The following MED19 variants were observed in gnomAD, a reference collection of about 807,000 sequenced individuals.
MED19 encodes the protein mediator of RNA polymerase II transcription subunit 19.
MED19 carries 4 observed loss-of-function variants against 19.9 expected under a neutral mutation model. That is an observed-to-expected ratio of 0.20 (90% CI 0.10 to 0.46). The LOEUF is 0.46. Among genes scored for constraint, MED19 ranks in the 20% least tolerant of loss-of-function variants. The pLI, the probability that MED19 is intolerant of heterozygous loss-of-function variation, is 0.99. For missense variants in MED19, 303 were observed against 318.7 expected (o/e 0.95, Z 0.38); for synonymous variants, 139 against 119.6 (o/e 1.16, Z -1.06).
At chr11:57,705,200 G>T in exon 2 of MED19, 1 of 1,614,180 alleles carries the variant, frequency 6.2e-7, no homozygotes, top group Non-Finnish European at 8.5e-7. Flanking sequence ...TGTGTGATCA[G>T]ATTCGTGCTG....
At chr11:57,705,732 A>C (rs916028707) in intron 1 of MED19, among the ~76,000 whole-genome samples, 1 of 152,108 alleles carries the variant, frequency 6.6e-6, no homozygotes, top group Admixed American at 6.6e-5. Flanking sequence ...TGGGAAGGGG[A>C]AAAACAGGCA....
At chr11:57,704,698 T>TTTTTTTTATA in intron 3 of MED19, 21 bp downstream of exon 3, 2 of 1,573,014 alleles carry the variant, frequency 1.3e-6, no homozygotes, top group Non-Finnish European at 8.6e-7. Context: ...TTTTTTTGCT[T>TTTTTTTTATA]TGAATAGAAC....
At chr11:57,704,675 T>TG (rs1946486230) in intron 3 of MED19, 44 bp downstream of exon 3, 1 of 1,472,858 alleles carries the variant, frequency 6.8e-7, no homozygotes. Flanking sequence ...TCAGGTTTTT[T>TG]TTTTTTTTTT....
At chr11:57,712,190 G>T in exon 1 of MED19, 1 of 1,509,474 alleles carries the variant, frequency 6.6e-7, no homozygotes. Flanking sequence ...CGTACCCTCC[G>T]CCCCGGCGCT....
chr11:57,707,605 A>G (rs1036608891), intron 1 of MED19, among the ~76,000 whole-genome samples: 9 of 152,152 alleles, frequency 5.9e-5, no homozygotes, highest in African/African-American at 2.2e-4. Context: ...AACAACTCAG[A>G]AGACTGAGCG....
rs1169936970 is a variant in MED19 at position 57,704,089 on chromosome 11, G to T, written c.684C>A (p.Asp228Glu). ...CCTGGGAGCTGCCCATACCTGGGTG[G>T]TCTGGACTATGTCGATTCTGGGGGA... Residue 228 changes from aspartate to glutamate, a missense_variant, in exon 5 of 5, where the codon GAC becomes GAA. By Grantham distance (45) the Asp-to-Glu change is conservative. This residue lies in a region of MED19 where 29 missense variants were observed against 59.5 expected (regional missense o/e 0.49). Transcript: ENST00000431606. The T allele has an allele frequency of 5.9e-6, 9 of 1,536,182 alleles. No individual in the cohort carries two copies. In the Admixed American group the frequency reaches 1.2e-4, roughly 20 times the overall value.
intron 3 of MED19, 51 bp downstream of exon 3, chr11:57,704,667 AG>A (rs764766183): frequency 6.7e-6 from 8 of 1,200,654 alleles, no homozygotes; most frequent in Admixed American, 4.5e-5. Flanking sequence ...TCAGAAGGTC[AG>A]GTTTTTTTTT....
chr11:57,712,212 T>G (rs199627870), exon 1 of MED19: 3 of 1,480,896 alleles, frequency 2.0e-6, no homozygotes, highest in Non-Finnish European at 2.7e-6. Context: ...TCTCCGTGTC[T>G]GCCGTTGGTA....
At chr11:57,707,752 G>A (rs1409524620) in intron 1 of MED19, among the ~76,000 whole-genome samples, 2 of 152,334 alleles carry the variant, frequency 1.3e-5, no homozygotes, top group South Asian at 2.1e-4. Context: ...TAAGGCTCAG[G>A]TGAGAAGGCA....
chr11:57,703,895 C>T, exon 5 of MED19: 4 of 1,328,658 alleles, frequency 3.0e-6, no homozygotes, highest in Non-Finnish European at 4.0e-6. Context: ...TTTACTTAGT[C>T]TCAACTGAGC....
chr11:57,710,892 G>C (rs1319796232), intron 1 of MED19, among the ~76,000 whole-genome samples: 1 of 152,016 alleles, frequency 6.6e-6, no homozygotes, highest in Non-Finnish European at 1.5e-5. Context: ...ACTGGGTCTC[G>C]CCATGTTGCC....
chr11:57,705,921 C>T (rs887292623), intron 1 of MED19, among the ~76,000 whole-genome samples: 2 of 151,778 alleles, frequency 1.3e-5, no homozygotes, highest in Admixed American at 1.3e-4. Context: ...TAGGAAAATA[C>T]GACCTTGCAG....
intron 1 of MED19, among the ~76,000 whole-genome samples, chr11:57,711,025 A>C (rs1265905225): frequency 3.3e-5 from 5 of 152,100 alleles, no homozygotes; most frequent in Non-Finnish European, 7.4e-5. Context: ...TTTTCCTAGC[A>C]TTAACCACTT....
rs1274089627 is a variant in MED19 at position 57,704,115 on chromosome 11, G to C, written c.667-9C>G. On this transcript the variant is annotated splice_polypyrimidine_tract_variant and intron_variant, in intron 4 of 4. Transcript: ENST00000431606. Reference sequence around the variant, plus strand: ...TCTGGACTATGTCGATTCTGGGGGAGAAAGAAGCAGGGTAAGAACAACTAG... The same window carrying C: ...TCTGGACTATGTCGATTCTGGGGGACAAAGAAGCAGGGTAAGAACAACTAG... 1 of 1,536,194 alleles carries C rather than the reference G, an allele frequency of 6.5e-7. No individual in the cohort carries two copies.
chr11:57,711,535 G>A (rs748074079), intron 1 of MED19, among the ~76,000 whole-genome samples: 5 of 152,050 alleles, frequency 3.3e-5, no homozygotes, highest in Non-Finnish European at 5.9e-5. Context: ...TGTGTTTTTT[G>A]TGGAGACAGG....
exon 5 of MED19, chr11:57,703,909 A>G (rs1365093576): frequency 2.9e-6 from 4 of 1,389,838 alleles, no homozygotes; most frequent in African/African-American, 1.4e-5. Flanking sequence ...ACTGAGCCCA[A>G]CAGGAGCTGG....
At chr11:57,707,962 A>G (rs899013369) in intron 1 of MED19, among the ~76,000 whole-genome samples, 2 of 151,882 alleles carry the variant, frequency 1.3e-5, no homozygotes, top group Admixed American at 1.3e-4. Context: ...CCTCCCAGGT[A>G]GCTGGGACTA....
At chr11:57,703,833 T>G in exon 5 of MED19, 107 of 645,852 alleles carry the variant, frequency 1.7e-4, no homozygotes, top group Non-Finnish European at 2.0e-4. Flanking sequence ...GAGATGTCCA[T>G]GAGAAAACCA....
intron 1 of MED19, among the ~76,000 whole-genome samples, chr11:57,706,647 C>A (rs1433599528): frequency 1.3e-5 from 2 of 151,546 alleles, no homozygotes; most frequent in African/African-American, 4.8e-5. Context: ...TGGCACACAC[C>A]TGTAATCCCT....
Sources: gnomAD v4.1 joint callset for allele counts (sites outside exome capture counted in the v4.1 genomes callset) on GRCh38, gnomAD v4.1.1 for gene constraint, gnomAD v4.1.1 regional missense constraint, MANE v1.5 for transcripts, NCBI Gene and HGNC (gene_info 2026-07-23, HGNC 2026-07-21) for gene names.